THSD7B: variants seen among roughly 807,000 people sequenced by gnomAD.
THSD7B encodes thrombospondin type 1 domain containing 7B, also known as thrombospondin type-1 domain-containing protein 7B.
A neutral mutation model predicts 213.6 loss-of-function variants in THSD7B; 138 were observed. That is an observed-to-expected ratio of 0.65 (90% CI 0.56 to 0.74). THSD7B has a LOEUF of 0.74. THSD7B is among the 30% of genes least tolerant of loss of function. The pLI is 0.00. For missense variants in THSD7B, 1,931 were observed against 1,991.5 expected, an observed-to-expected ratio of 0.97 and a Z score of 0.58; for synonymous variants, 742 against 687.0, an observed-to-expected ratio of 1.08 and a Z score of -1.25.
chr2:137,652,059 G>A (rs1213983615), intron 21 of THSD7B, among the ~76,000 whole-genome samples: 1 of 152,034 alleles, frequency 6.6e-6, no homozygotes, highest in Non-Finnish European at 1.5e-5. Flanking sequence ...ATAAATATCT[G>A]TTAGACCTAT....
At chr2:137,037,807 C>G (rs12472791) in intron 2 of THSD7B, among the ~76,000 whole-genome samples, 88,028 of 151,520 alleles carry the variant, frequency 0.58, 29,485 homozygotes, top group Non-Finnish European at 0.73. Context: ...GTCCTATATA[C>G]AGTATGGAGA....
intron 10 of THSD7B, among the ~76,000 whole-genome samples, chr2:137,267,393 C>T (rs953791048): frequency 3.3e-5 from 5 of 152,088 alleles, no homozygotes; most frequent in African/African-American, 1.2e-4. Context: ...ACAAATATGG[C>T]ACTTTTTTAA....
At chr2:136,803,243 A>G (rs1682221711) in intron 1 of THSD7B, among the ~76,000 whole-genome samples, 1 of 152,166 alleles carries the variant, frequency 6.6e-6, no homozygotes, top group South Asian at 2.1e-4. Flanking sequence ...TGTAATGAAC[A>G]CTAAACATCA....
At chr2:137,094,194 A>C (rs2104918028) in intron 3 of THSD7B, among the ~76,000 whole-genome samples, 1 of 152,350 alleles carries the variant, frequency 6.6e-6, no homozygotes, top group South Asian at 2.1e-4. Context: ...GTTGTGAGAA[A>C]GTTATCTGTG....
At chr2:136,997,212 C>T (rs1685908313) in intron 2 of THSD7B, among the ~76,000 whole-genome samples, 1 of 152,242 alleles carries the variant, frequency 6.6e-6, no homozygotes, top group Non-Finnish European at 1.5e-5. Flanking sequence ...TTTTCTTTCT[C>T]CCCTTTCTTT....
chr2:136,906,914 C>A (rs1684171254), intron 2 of THSD7B, among the ~76,000 whole-genome samples: 1 of 128,218 alleles, frequency 7.8e-6, no homozygotes, highest in South Asian at 2.7e-4. Flanking sequence ...GTCACATATT[C>A]ATAGATTCCT....
At chr2:137,342,142 A>C (rs1684775932) in intron 12 of THSD7B, among the ~76,000 whole-genome samples, 1 of 151,548 alleles carries the variant, frequency 6.6e-6, no homozygotes, top group South Asian at 2.1e-4. Context: ...ATGAGCATGG[A>C]ATATATTTTA....
intron 1 of THSD7B, among the ~76,000 whole-genome samples, chr2:136,809,576 G>T (rs1040438621): frequency 6.6e-6 from 1 of 152,130 alleles, no homozygotes; most frequent in African/African-American, 2.4e-5. Context: ...TAATTTTCTG[G>T]GTGATAGTTC....
chr2:136,923,507 C>CT (rs1684471071), intron 2 of THSD7B, among the ~76,000 whole-genome samples: 1 of 152,134 alleles, frequency 6.6e-6, no homozygotes, highest in Non-Finnish European at 1.5e-5. Flanking sequence ...GGTAATTCTG[C>CT]TTTTAACTTT....
intron 1 of THSD7B, among the ~76,000 whole-genome samples, chr2:136,814,567 T>G (rs959495256): frequency 6.6e-6 from 1 of 152,032 alleles, no homozygotes; most frequent in Non-Finnish European, 1.5e-5. Context: ...CCTGGCTAAT[T>G]TTTTGTAATT....
intron 12 of THSD7B, among the ~76,000 whole-genome samples, chr2:137,281,806 T>A (rs1259514526): frequency 2.0e-5 from 3 of 152,272 alleles, no homozygotes; most frequent in Non-Finnish European, 4.4e-5. Context: ...TCTATCATTG[T>A]TGGACATTTG....
chr2:136,909,411 C>T (rs1390253390), intron 2 of THSD7B, among the ~76,000 whole-genome samples: 1 of 152,182 alleles, frequency 6.6e-6, no homozygotes, highest in Non-Finnish European at 1.5e-5. Context: ...AGTACTGATA[C>T]TCTACTGTTT....
intron 21 of THSD7B, among the ~76,000 whole-genome samples, chr2:137,655,017 T>C (rs139743491): frequency 6.6e-4 from 101 of 152,318 alleles, no homozygotes; most frequent in Non-Finnish European, 1.1e-3. Context: ...GAAGGCATGC[T>C]GTGAAAACAA....
chr2:137,122,218 T>A (rs975484698), intron 5 of THSD7B, among the ~76,000 whole-genome samples: 10 of 152,184 alleles, frequency 6.6e-5, no homozygotes, highest in African/African-American at 2.2e-4. Context: ...AAATTGTTTA[T>A]TTCTATCAGT....
At chr2:137,280,062 C>A (rs759591473) in intron 12 of THSD7B, among the ~76,000 whole-genome samples, 31 of 152,074 alleles carry the variant, frequency 2.0e-4, no homozygotes, top group Non-Finnish European at 5.9e-5. Context: ...CTTGCCAAAA[C>A]CTTGTGCTTA....
chr2:137,632,682 A>C (rs1172406852), intron 20 of THSD7B, among the ~76,000 whole-genome samples: 1 of 152,118 alleles, frequency 6.6e-6, no homozygotes, highest in African/African-American at 2.4e-5. Context: ...GCAATGTCAA[A>C]AGTGCTTAAT....
chr2:137,215,630 G>C (rs1314449521), intron 7 of THSD7B, among the ~76,000 whole-genome samples: 1 of 152,076 alleles, frequency 6.6e-6, no homozygotes, highest in African/African-American at 2.4e-5. Flanking sequence ...TATTTTCTTG[G>C]AAGACCACTT....
rs374336225 is a variant in THSD7B at position 137,397,730 on chromosome 2, T to A, written c.2501-7883T>A. ...TTGGCCTGCCTTGCTAGATTGGGGA[T>A]ATTATCTCCTGGATAATATCCTGCA... On this transcript the variant is annotated intron_variant, in intron 12 of 27. Transcript: ENST00000409968. 3.7e-4 allele frequency among the ~76,000 whole-genome samples: 56 copies of A among 152,094 alleles called. No homozygotes were observed. In the South Asian group the frequency reaches 0.011, roughly 30 times the overall value.
At chr2:137,567,214 G>C (rs1204918272) in intron 16 of THSD7B, among the ~76,000 whole-genome samples, 1 of 150,592 alleles carries the variant, frequency 6.6e-6, no homozygotes, top group African/African-American at 2.4e-5. Flanking sequence ...TATCACCCAG[G>C]TTGGAGTGCA....
Sources: allele counts gnomAD v4.1 joint callset (sites outside exome capture counted in the v4.1 genomes callset), GRCh38; gene constraint gnomAD v4.1.1; transcripts MANE v1.5; gene names NCBI Gene and HGNC (gene_info 2026-07-23, HGNC 2026-07-21).